The following FRMD4B variants were observed in gnomAD, a reference collection of about 807,000 sequenced individuals.
FRMD4B encodes FERM domain containing 4B.
FRMD4B carries 74 observed loss-of-function variants against 141.5 expected under a neutral mutation model. The ratio of observed to expected loss-of-function variants is 0.52; its 90% CI spans 0.43 to 0.63. The LOEUF (loss-of-function observed/expected upper bound fraction) is 0.63. FRMD4B is among the 30% of genes least tolerant of loss of function. The pLI is 0.00. For synonymous variants in FRMD4B, 506 were observed against 467.9 expected (o/e 1.08, Z -1.05); for missense variants, 1,366 against 1,253.4 (o/e 1.09, Z -1.36).
intron 11 of FRMD4B, among the ~76,000 whole-genome samples, chr3:69,214,948 C>T (rs1014935943): frequency 2.0e-5 from 3 of 151,718 alleles, no homozygotes; most frequent in Admixed American, 6.6e-5. Flanking sequence ...GGCGTGATCT[C>T]GGCTCACTGC....
At chr3:69,374,431 G>A (rs1204796220) in intron 1 of FRMD4B, among the ~76,000 whole-genome samples, 1 of 152,124 alleles carries the variant, frequency 6.6e-6, no homozygotes, top group Non-Finnish European at 1.5e-5. Context: ...ACTAATTCCT[G>A]TAAAAATATT....
At chr3:69,259,457 G>A (rs1022147430) in intron 5 of FRMD4B, among the ~76,000 whole-genome samples, 2 of 152,192 alleles carry the variant, frequency 1.3e-5, no homozygotes, top group African/African-American at 4.8e-5. Flanking sequence ...TTCAATAAAG[G>A]ATGAATGTAA....
intron 12 of FRMD4B, 88 bp downstream of exon 12, chr3:69,198,610 G>A (rs1377015515): frequency 1.4e-6 from 1 of 717,066 alleles, no homozygotes; most frequent in Non-Finnish European, 2.5e-6. Flanking sequence ...GAAAACATAT[G>A]TTCATATAAA....
intron 1 of FRMD4B, among the ~76,000 whole-genome samples, chr3:69,498,102 T>C (rs1286341088): frequency 6.6e-6 from 1 of 152,094 alleles, no homozygotes; most frequent in Non-Finnish European, 1.5e-5. Flanking sequence ...TATTGAGAAG[T>C]GGGATAGCCA....
chr3:69,274,168 G>A (rs35547879), intron 5 of FRMD4B, among the ~76,000 whole-genome samples: 32,918 of 152,056 alleles, frequency 0.22, 3,686 homozygotes, highest in East Asian at 0.35. Context: ...TGCATGTCCT[G>A]TCAAGGGGCT....
chr3:69,478,883 G>C (rs1706056300), intron 1 of FRMD4B, among the ~76,000 whole-genome samples: 1 of 151,592 alleles, frequency 6.6e-6, no homozygotes, highest in Admixed American at 6.6e-5. Context: ...ATGAATCTGG[G>C]TGCTCCTGTA....
intron 1 of FRMD4B, among the ~76,000 whole-genome samples, chr3:69,332,527 G>T (rs1384262659): frequency 1.3e-5 from 2 of 152,110 alleles, no homozygotes; most frequent in Non-Finnish European, 2.9e-5. Flanking sequence ...CTCCCTTGTG[G>T]TCACAAAGGT....
chr3:69,287,790 C>A lies in FRMD4B; in HGVS notation c.463G>T (p.Glu155Ter). ...ISFLKDKTTV[E>*]LFFLNAKACV... ...GCCTTTGCATTCAGGAAAAACAGCT[C>A]CACGGTGGTTTTATCCTTTAAAAAC... The change falls in exon 5 of 23, where the codon GAG becomes TAG. Residue 155 changes from glutamate (E) to a stop codon, truncating the protein, a stop_gained. Coordinates refer to ENST00000398540, the MANE Select transcript of FRMD4B (RefSeq NM_015123.3). LOFTEE classifies it high-confidence loss of function. 6.2e-7 allele frequency: 1 copy of A among 1,605,352 alleles called. No individual in the cohort carries two copies. Among genetic ancestry groups the A allele is most frequent in the Non-Finnish European group, 8.5e-7 (1 of 1,173,446 alleles).
chr3:69,307,412 T>C (rs1255590611), intron 3 of FRMD4B, among the ~76,000 whole-genome samples: 2 of 152,066 alleles, frequency 1.3e-5, no homozygotes, highest in African/African-American at 4.8e-5. Context: ...ACAATCTCGG[T>C]TCACTGCAAC....
At chr3:69,440,174 G>A (rs968870874) in intron 1 of FRMD4B, among the ~76,000 whole-genome samples, 6 of 152,176 alleles carry the variant, frequency 3.9e-5, no homozygotes, top group Admixed American at 3.9e-4. Flanking sequence ...CCATCTAAAG[G>A]TTTTACATTT....
chr3:69,273,920 G>GAA lies in FRMD4B; in HGVS notation c.501+13830_501+13831dup, dbSNP rs545199910. On this transcript the variant is annotated intron_variant, in intron 5 of 22. Coordinates refer to ENST00000398540, the MANE Select transcript of FRMD4B (RefSeq NM_015123.3). The stretch of plus-strand genomic sequence containing the variant: ...GTAGGAAATGGTGGTGGTAGACAAG[G>GAA]AAAAAAAAAAAAAAGAATTTCTTAA... Among the ~76,000 whole-genome samples the GAA allele has an allele frequency of 8.6e-4, 117 of 136,698 alleles. 1 individual carries two copies. The highest frequency in any genetic ancestry group is 3.2e-3 in the East Asian group (15 of 4,644). The allele number at this position is 136,698 out of a possible 152,430, so 89.7% of individuals were successfully genotyped here. A position where few individuals can be genotyped will look rare whatever the true frequency, so the allele number is the denominator to read the frequency against.
intron 4 of FRMD4B, among the ~76,000 whole-genome samples, chr3:69,289,065 A>AG (rs1346349316): frequency 2.6e-5 from 4 of 152,218 alleles, no homozygotes; most frequent in African/African-American, 9.6e-5. Flanking sequence ...TCTCACTTGT[A>AG]AGTGAGGTTA....
intron 1 of FRMD4B, among the ~76,000 whole-genome samples, chr3:69,347,810 A>C (rs1317084467): frequency 6.6e-6 from 1 of 152,232 alleles, no homozygotes; most frequent in East Asian, 1.9e-4. Context: ...ACATACCAGA[A>C]TCTCTGGGAC....
intron 1 of FRMD4B, among the ~76,000 whole-genome samples, chr3:69,378,272 G>T (rs1322543496): frequency 1.3e-5 from 2 of 152,156 alleles, no homozygotes; most frequent in African/African-American, 4.8e-5. Context: ...GGTTTGCCTG[G>T]CCCCTTTGGT....
chr3:69,454,641 T>C (rs928871790), intron 1 of FRMD4B, among the ~76,000 whole-genome samples: 3 of 152,064 alleles, frequency 2.0e-5, no homozygotes, highest in Admixed American at 2.0e-4. Context: ...CACGCCACAC[T>C]CTAATTCTGG....
intron 1 of FRMD4B, among the ~76,000 whole-genome samples, chr3:69,455,226 G>C (rs183753174): frequency 5.3e-5 from 8 of 152,310 alleles, no homozygotes; most frequent in Middle Eastern, 3.4e-3. Context: ...ATGTGGGTGG[G>C]GTCAGCTAAG....
intron 1 of FRMD4B, among the ~76,000 whole-genome samples, chr3:69,453,622 A>G (rs147925873): frequency 1.3e-5 from 2 of 152,220 alleles, no homozygotes; most frequent in Non-Finnish European, 2.9e-5. Context: ...GAATATTCCC[A>G]GTAGAAAACC....
intron 22 of FRMD4B, among the ~76,000 whole-genome samples, chr3:69,176,013 C>G (rs1329116160): frequency 6.6e-6 from 1 of 152,044 alleles, no homozygotes; most frequent in Non-Finnish European, 1.5e-5. Context: ...ATCTCCTGAC[C>G]TCATGATCCG....
chr3:69,401,800 C>T (rs529505590), intron 2 of FRMD4B, among the ~76,000 whole-genome samples: 1 of 152,136 alleles, frequency 6.6e-6, no homozygotes, highest in African/African-American at 2.4e-5. Flanking sequence ...CTGCCTGCCT[C>T]GGCCTCCCAA....
Sources: gnomAD v4.1 joint callset for allele counts (sites outside exome capture counted in the v4.1 genomes callset) on GRCh38, gnomAD v4.1.1 for gene constraint, MANE v1.5 for transcripts, NCBI Gene and HGNC (gene_info 2026-07-23, HGNC 2026-07-21) for gene names.